The following CCDC22 variants were observed in gnomAD, a reference collection of about 807,000 sequenced individuals.
The protein encoded by CCDC22 is CCC complex scaffolding subunit CCDC22, also known as coiled-coil domain-containing protein 22.
Under a neutral mutation model 53.1 loss-of-function variants are expected in CCDC22, and 4 were observed. The ratio of observed to expected loss-of-function variants is 0.08; its 90% CI spans 0.04 to 0.17. CCDC22 has a LOEUF of 0.17. CCDC22 is among the 10% of genes least tolerant of loss of function. CCDC22 has a pLI of 1.00. For synonymous variants in CCDC22, 222 were observed against 224.4 expected (o/e 0.99, Z 0.10); for missense variants, 458 against 554.0 (o/e 0.83, Z 1.74).
At chrX:49,236,629 T>A (rs1267847841) in intron 1 of CCDC22, among the ~76,000 whole-genome samples, 1 of 111,413 alleles carries the variant, frequency 9.0e-6, no homozygotes, top group Non-Finnish European at 1.9e-5. Context: ...GATTTTTGTA[T>A]TGCTTGAAAC....
intron 15 of CCDC22, 33 bp from the exon 16 acceptor site, chrX:49,249,618 T>TAGG: frequency 1.7e-6 from 1 of 588,770 alleles, no homozygotes; most frequent in Non-Finnish European, 2.6e-6. Context: ...TGGGTGGGAC[T>TAGG]GGGTGCAAGC....
At chrX:49,244,003 G>A (rs2065976800) in intron 6 of CCDC22, among the ~76,000 whole-genome samples, 1 of 112,394 alleles carries the variant, frequency 8.9e-6, no homozygotes, top group Non-Finnish European at 1.9e-5. Flanking sequence ...TGGCTAGGCT[G>A]GTCTCGAATT....
rs201021614 is a variant in CCDC22 at position 49,249,699 on chromosome X, C to T, written c.1744C>T (p.Arg582Trp). The T allele has an allele frequency of 5.1e-5, 62 of 1,207,731 alleles. No individual in the cohort carries two copies. The highest frequency in any genetic ancestry group is 6.3e-5 in the Non-Finnish European group (56 of 894,379). The change falls in exon 16 of 17, where the codon CGG (arginine) becomes TGG (tryptophan). Residue 582 changes from arginine to tryptophan, a missense_variant. Physicochemically the swap from Arg to Trp is moderately radical, Grantham distance 101. Transcript: ENST00000376227. ...CATCGAGGACACAGGCACCATCATG[C>T]GGGAGGTTCGAGACCTCGAGGAGCA... Reference protein sequence around the residue: ...QTIEDTGTIMREVRDLEEQIE... With the variant: ...QTIEDTGTIMWEVRDLEEQIE...
chrX:49,247,794 G>T (rs201135855), intron 9 of CCDC22, 26 bp downstream of exon 9: 1 of 1,208,769 alleles, frequency 8.3e-7, no homozygotes, highest in South Asian at 1.8e-5. Context: ...GGGGCTGCGC[G>T]TTGGGCTAGG....
chrX:49,235,702 C>T lies in CCDC22; in HGVS notation c.50+16C>T. The stretch of plus-strand genomic sequence containing the variant: ...AGGCCGGCACGTAAGGACAGAGCCC[C>T]CGCCCACCCCCGAAGCCCACATCCG... On this transcript the variant is annotated intron_variant, in intron 1 of 16. Coordinates refer to ENST00000376227, the MANE Select transcript of CCDC22 (RefSeq NM_014008.5). 8.6e-7 allele frequency: 1 copy of T among 1,168,601 alleles called. No individual in the cohort carries two copies. Among genetic ancestry groups the T allele is most frequent in the Non-Finnish European group, 1.1e-6 (1 of 869,852 alleles).
At chrX:49,243,882 G>A (rs1190483738) in intron 6 of CCDC22, among the ~76,000 whole-genome samples, 7 of 112,304 alleles carry the variant, frequency 6.2e-5, no homozygotes, top group African/African-American at 2.3e-4. Flanking sequence ...TCCATCTCCC[G>A]GGTTCAAGCG....
intron 7 of CCDC22, 49 bp downstream of exon 7, chrX:49,246,974 G>A: frequency 9.5e-7 from 1 of 1,050,404 alleles, no homozygotes; most frequent in Non-Finnish European, 1.3e-6. Context: ...TGGCAGGCTT[G>A]GAGGGTGGCT....
chrX:49,242,179 G>C, intron 3 of CCDC22, 31 bp downstream of exon 3: 3 of 1,208,717 alleles, frequency 2.5e-6, no homozygotes, highest in East Asian at 5.9e-5. Context: ...GGGCGGGGGC[G>C]GTGAGGGGAG....
intron 2 of CCDC22, among the ~76,000 whole-genome samples, 155 bp downstream of exon 2, chrX:49,237,418 AT>A (rs1257557197): frequency 3.6e-5 from 4 of 112,166 alleles, no homozygotes; most frequent in Non-Finnish European, 1.9e-5. Flanking sequence ...CTTAGTTTTC[AT>A]TAGTGGTTAA....
intron 2 of CCDC22, chrX:49,239,460 T>C (rs1353701022): frequency 1.7e-5 from 13 of 744,023 alleles, no homozygotes; most frequent in African/African-American, 2.3e-5. Context: ...TGTGAATACA[T>C]AGTGAATGGA....
chrX:49,243,364 C>T lies in CCDC22; in HGVS notation c.616C>T (p.Leu206Phe), dbSNP rs1322149458. The change falls in exon 6 of 17, where the codon CTC becomes TTC. Residue 206 changes from leucine (L) to phenylalanine (F), a missense_variant. Physicochemically the swap from Leu to Phe is conservative, Grantham distance 22. Around this residue, in one of 4 missense-constraint regions of CCDC22, gnomAD observed 309 missense variants for 312.3 expected, o/e 0.99. Coordinates refer to ENST00000376227, the MANE Select transcript of CCDC22 (RefSeq NM_014008.5). ...TCAGCCTGTTGGAAGGGTGGCCTCG[C>T]TCCTCGAACACCATGCCCTGCAGCT... The part of the protein sequence containing the change: ...VPQPVGRVAS[L>F]LEHHALQLCQ... 1.7e-6 allele frequency: 2 copies of T among 1,203,523 alleles called. No individual in the cohort carries two copies. Among genetic ancestry groups the T allele is most frequent in the Non-Finnish European group, 2.2e-6 (2 of 891,649 alleles).
At chrX:49,239,621 C>T (rs2065954337) in intron 2 of CCDC22, among the ~76,000 whole-genome samples, 1 of 110,425 alleles carries the variant, frequency 9.1e-6, no homozygotes, top group Non-Finnish European at 1.9e-5. Flanking sequence ...AGCAACAGGT[C>T]TCAGAGCTCC....
chrX:49,249,420 TG>T, intron 14 of CCDC22, 88 bp from the exon 15 acceptor site: 1 of 935,938 alleles, frequency 1.1e-6, no homozygotes, highest in Non-Finnish European at 1.5e-6. Context: ...ATGAAGCTAG[TG>T]GGGTGGTGGG....
chrX:49,247,544 C>T lies in CCDC22; in HGVS notation c.958C>T (p.Arg320Trp), dbSNP rs782516916. The change falls in exon 8 of 17, where the codon CGG (arginine) becomes TGG (tryptophan). Residue 320 changes from arginine (R) to tryptophan (W), a missense_variant. This residue lies in a region of CCDC22 where 309 missense variants were observed against 312.3 expected (regional missense o/e 0.99). Transcript: ENST00000376227. ...TQVSDVPATSRRPEQVTWAAQ... is the reference protein window; with the variant it reads ...TQVSDVPATSWRPEQVTWAAQ... ...GGTGTCAGATGTGCCAGCCACCTCCCGGCGGCCTGAACAGGTGAGCAGAGT... is the reference window on the plus strand; with the variant it reads ...GGTGTCAGATGTGCCAGCCACCTCCTGGCGGCCTGAACAGGTGAGCAGAGT... 10 of 1,198,750 alleles carry T rather than the reference C, an allele frequency of 8.3e-6. No individual in the cohort carries two copies. The highest frequency in any genetic ancestry group is 1.8e-5 in the South Asian group (1 of 54,881).
chrX:49,243,059 A>G, intron 4 of CCDC22, 59 bp from the exon 5 acceptor site: 2 of 1,150,564 alleles, frequency 1.7e-6, no homozygotes, highest in Non-Finnish European at 2.3e-6. Context: ...TTGGCCCCCT[A>G]CCCCTGGCAA....
intron 6 of CCDC22, among the ~76,000 whole-genome samples, chrX:49,244,142 A>G (rs1318642966): frequency 8.9e-6 from 1 of 111,736 alleles, no homozygotes; most frequent in Non-Finnish European, 1.9e-5. Context: ...TCTGGTTTCT[A>G]GGTTTTTGCA....
intron 3 of CCDC22, 116 bp downstream of exon 3, chrX:49,242,264 A>G (rs2065967448): frequency 1.8e-6 from 2 of 1,117,245 alleles, no homozygotes; most frequent in Non-Finnish European, 2.4e-6. Context: ...GGGTGGCGGT[A>G]TGTGCCTTCA....
In CCDC22 at chrX:49,246,848, G is replaced by A. The variant is rs1602673348; in HGVS notation, c.832G>A (p.Ala278Thr). 4 of 1,201,658 alleles carry A rather than the reference G, an allele frequency of 3.3e-6. No homozygotes were observed. In the Middle Eastern group the frequency reaches 9.2e-4, roughly 278 times the overall value. ...CCGGGACCTGGGAGAACTGCTGCAG[G>A]CCTGGGGTGCTGGGGCCAAGACTGG... ...QARDLGELLQAWGAGAKTGAP... is the reference protein window; with the variant it reads ...QARDLGELLQTWGAGAKTGAP... The change falls in exon 7 of 17, where the codon GCC becomes ACC. Residue 278 changes from alanine to threonine, a missense_variant. Ala to Thr is a moderately conservative substitution (Grantham distance 58). This residue lies in a region of CCDC22 where 309 missense variants were observed against 312.3 expected (regional missense o/e 0.99). Coordinates refer to ENST00000376227, the MANE Select transcript of CCDC22 (RefSeq NM_014008.5).
At chrX:49,238,640 G>T (rs1557113052) in intron 2 of CCDC22, among the ~76,000 whole-genome samples, 1 of 112,411 alleles carries the variant, frequency 8.9e-6, no homozygotes, top group Admixed American at 9.4e-5. Flanking sequence ...TGCCCAGGCT[G>T]GTCTTGAACT....
Sources: allele counts gnomAD v4.1 joint callset (sites outside exome capture counted in the v4.1 genomes callset), GRCh38; gene constraint gnomAD v4.1.1; regional missense constraint gnomAD v4.1.1; transcripts MANE v1.5; gene names NCBI Gene and HGNC (gene_info 2026-07-23, HGNC 2026-07-21).